Variants in HECTD4 observed in about 807,000 individuals in gnomAD.
HECTD4 encodes probable E3 ubiquitin-protein ligase HECTD4.
HECTD4 carries 114 observed loss-of-function variants against 471.5 expected under a neutral mutation model. The observed-to-expected ratio is 0.24, with a 90% confidence interval of 0.21 to 0.28. The LOEUF (loss-of-function observed/expected upper bound fraction) is 0.28, where lower values mean the gene tolerates loss of function less well. Among genes scored for constraint, HECTD4 ranks in the 10% least tolerant of loss-of-function variants. The pLI is 1.00. For synonymous variants in HECTD4, 2,012 were observed against 2,256.0 expected (o/e 0.89, Z 3.07); for missense variants, 3,866 against 5,651.5 (o/e 0.68, Z 10.13).
intron 1 of HECTD4, among the ~76,000 whole-genome samples, chr12:112,368,532 A>G (rs1184563842): frequency 6.6e-6 from 1 of 152,198 alleles, no homozygotes; most frequent in African/African-American, 2.4e-5. Flanking sequence ...AAACAGCAGA[A>G]GACAATTATA....
intron 1 of HECTD4, among the ~76,000 whole-genome samples, chr12:112,376,665 C>G (rs575385568): frequency 2.8e-4 from 42 of 152,326 alleles, no homozygotes; most frequent in African/African-American, 9.4e-4. Flanking sequence ...TGGGCTCAGA[C>G]CTCCAAATAT....
Position 112,174,838 on chromosome 12 carries a change from C to T in HECTD4, c.11594+898G>A, listed in dbSNP as rs143569808. ...CTGGGATTACAGGTGTGAGGCACCG[C>T]GCCTGGCCTGGTAGCCATTTTCATT... On this transcript the variant is annotated intron_variant, in intron 66 of 75. Transcript: ENST00000682272. Among the ~76,000 whole-genome samples the T allele has an allele frequency of 4.1e-3, 622 of 152,306 alleles. 3 individuals are homozygous for T. The highest frequency in any genetic ancestry group is 0.014 in the African/African-American group (566 of 41,574).
At chr12:112,245,579 G>A (rs2033743267) in intron 29 of HECTD4, among the ~76,000 whole-genome samples, 1 of 152,154 alleles carries the variant, frequency 6.6e-6, no homozygotes, top group Admixed American at 6.6e-5. Flanking sequence ...GAGACCCTGG[G>A]AGTCCTCCTA....
rs151050861 is a variant in HECTD4, at chr12:112,198,236, G to A, written c.8567+2402C>T. On this transcript the variant is annotated intron_variant, in intron 55 of 75. Transcript: ENST00000682272. The stretch of plus-strand genomic sequence containing the variant: ...GTAGTTTCCTGACAAAGAGCGCATG[G>A]ACAGTCACCTTAGATGGTGAGGGCA... Among the ~76,000 whole-genome samples, 170 of 152,342 alleles carry A rather than the reference G, an allele frequency of 1.1e-3. 1 individual carries two copies. Among genetic ancestry groups the A allele is most frequent in the Middle Eastern group, 3.4e-3 (1 of 294 alleles).
At chr12:112,275,070 T>C in intron 9 of HECTD4, 110 bp from the exon 10 acceptor site, 2 of 651,446 alleles carry the variant, frequency 3.1e-6, no homozygotes, top group Non-Finnish European at 2.6e-6. Context: ...TTCTTGTTGT[T>C]GTGTATTGGT....
chr12:112,227,614 T>A (rs1472176772), intron 43 of HECTD4, among the ~76,000 whole-genome samples: 3 of 152,194 alleles, frequency 2.0e-5, no homozygotes, highest in Non-Finnish European at 2.9e-5. Flanking sequence ...CAGATATGTA[T>A]CAATGTGGCC....
chr12:112,177,230 T>C (rs920983903), intron 64 of HECTD4, among the ~76,000 whole-genome samples: 2 of 152,230 alleles, frequency 1.3e-5, no homozygotes, highest in Non-Finnish European at 2.9e-5. Context: ...TTTATTTTTC[T>C]GGTTAAACAA....
At chr12:112,192,367 G>C (rs2032107709) in intron 59 of HECTD4, among the ~76,000 whole-genome samples, 193 bp downstream of exon 59, 1 of 152,212 alleles carries the variant, frequency 6.6e-6, no homozygotes, top group Non-Finnish European at 1.5e-5. Context: ...CCTTCCCTAG[G>C]TAGGAAAGAT....
In HECTD4 at chr12:112,229,789, G is replaced by C; in HGVS notation, c.6428C>G (p.Ala2143Gly). 1 of 1,614,022 alleles carries C rather than the reference G, an allele frequency of 6.2e-7. No individual in the cohort carries two copies. The highest frequency in any genetic ancestry group is 8.5e-7 in the Non-Finnish European group (1 of 1,179,888). ...CTGGCGTGCAATTCTCTGAAGTTTG[G>C]CAAGTTTCCTGCCACTGCTGCTGCC... ...ENGSSSGRKLAKLQRIARQAV... is the reference protein window; with the variant it reads ...ENGSSSGRKLGKLQRIARQAV... Residue 2143 changes from alanine to glycine, a missense_variant, in exon 41 of 76, where the codon GCC becomes GGC. Ala to Gly is a moderately conservative substitution (Grantham distance 60). This residue lies in a region of HECTD4 where 617 missense variants were observed against 915.1 expected (regional missense o/e 0.67). Coordinates refer to ENST00000682272, the MANE Select transcript of HECTD4 (RefSeq NM_001388303.1).
At chr12:112,171,304 T>G in intron 67 of HECTD4, 41 bp from the exon 68 acceptor site, 1 of 1,565,934 alleles carries the variant, frequency 6.4e-7, no homozygotes, top group Non-Finnish European at 8.6e-7. Flanking sequence ...CTCGGCCAGG[T>G]GGCTGAGATG....
chr12:112,217,405 G>A (rs898675523), intron 45 of HECTD4, among the ~76,000 whole-genome samples: 1 of 152,148 alleles, frequency 6.6e-6, no homozygotes. Context: ...CCAGACTGGA[G>A]TGCAGTGGTG....
At chr12:112,229,111 G>C (rs2033311733) in intron 41 of HECTD4, among the ~76,000 whole-genome samples, 1 of 152,138 alleles carries the variant, frequency 6.6e-6, no homozygotes, top group African/African-American at 2.4e-5. Context: ...TGGATCACTT[G>C]AGGTCAGGAG....
In HECTD4 at chr12:112,187,847, T is replaced by C. The variant is rs558747002; in HGVS notation, c.9473-2354A>G. ...TTCACTGTGTTAGCCAGGATGGTCT[T>C]GATCTCCTGACCTCGTGATCCGCCC... On this transcript the variant is annotated intron_variant, in intron 60 of 75. Transcript: ENST00000682272. 1.4e-3 allele frequency among the ~76,000 whole-genome samples: 211 copies of C among 148,002 alleles called. 1 individual carries two copies. Among genetic ancestry groups the C allele is most frequent in the Middle Eastern group, 8.1e-3 (2 of 248 alleles).
rs949132187 is a variant in HECTD4 at position 112,212,556 on chromosome 12, C to A, written c.7560G>T (p.Gly2520=). The A allele has an allele frequency of 6.2e-6, 10 of 1,613,754 alleles. No homozygotes were observed. Among genetic ancestry groups the A allele is most frequent in the Admixed American group, 1.7e-5 (1 of 60,004 alleles). The change falls in exon 49 of 76, where the codon GGG becomes GGT. Residue 2520 remains glycine, a synonymous_variant. Transcript: ENST00000682272. ...CTTCAAGATATGGTGAGAGGCGCTG[C>A]CCGCAGTATGTGAAGTACACCCGGC... ...AKGRVYFTYC[G]QRLSPYLEDV...
chr12:112,164,133 C>T lies in HECTD4; in HGVS notation c.12677G>A (p.Ser4226Asn). The change falls in exon 73 of 76, where the codon AGC (serine) becomes AAC (asparagine). Residue 4226 changes from serine (S) to asparagine (N), a missense_variant. Physicochemically the swap from Ser to Asn is conservative, Grantham distance 46 (BLOSUM62 1). Around this residue, in one of 16 missense-constraint regions of HECTD4, gnomAD observed 715 missense variants for 1,087.6 expected, o/e 0.66. Transcript: ENST00000682272. Reference sequence around the variant, plus strand: ...CGCCACAAGGATGTGCCGGCCCCGGCTGCACAGCTCCACCTCCTCGCCCGT... The same window carrying T: ...CGCCACAAGGATGTGCCGGCCCCGGTTGCACAGCTCCACCTCCTCGCCCGT... ...TMTGEEVELCSRGRHILVAWE... is the reference protein window; with the variant it reads ...TMTGEEVELCNRGRHILVAWE... 6.2e-7 allele frequency: 1 copy of T among 1,609,370 alleles called. No homozygotes were observed. Among genetic ancestry groups the T allele is most frequent in the Non-Finnish European group, 8.5e-7 (1 of 1,177,928 alleles).
At position 112,251,127 on chromosome 12, in the gene HECTD4, G is replaced by A. The variant is rs1447222307; in HGVS notation, c.3560C>T (p.Ser1187Leu). Residue 1187 changes from serine to leucine, a missense_variant, in exon 24 of 76, where the codon TCG becomes TTG. Coordinates refer to ENST00000682272, the MANE Select transcript of HECTD4 (RefSeq NM_001388303.1). ...GGGCAAGCCTCCTGAGACATCCTCC[G>A]AAGACTCCTACAATGCAGACAGGGG... is the stretch of plus-strand genomic sequence containing the variant. ...FACTVRAQES[S>L]EDVSGGLPFL... The A allele has an allele frequency of 6.2e-6, 10 of 1,613,440 alleles. No individual in the cohort carries two copies. The highest frequency in any genetic ancestry group is 1.7e-4 in the Middle Eastern group (1 of 6,022).
intron 1 of HECTD4, among the ~76,000 whole-genome samples, chr12:112,370,288 C>T (rs866816067): frequency 1.2e-4 from 18 of 152,200 alleles, no homozygotes; most frequent in African/African-American, 3.6e-4. Flanking sequence ...CAATGCTTGA[C>T]TTTTAGCCCA....
At position 112,235,050 on chromosome 12, in the gene HECTD4, T is replaced by C. The variant is rs1566082237; in HGVS notation, c.5915+27A>G. On this transcript the variant is annotated intron_variant, in intron 37 of 75. Transcript: ENST00000682272. This position sits in a 1 kb window ranked among gnomAD's most constrained non-coding sequence, Gnocchi z 5.0. ...GTGACATGGGTGGTGCTTGAGGATGTGTAGCTATCACAATCATTATGGTCA... is the reference window on the plus strand; with the variant it reads ...GTGACATGGGTGGTGCTTGAGGATGCGTAGCTATCACAATCATTATGGTCA... The C allele has an allele frequency of 2.6e-6, 4 of 1,546,820 alleles. No homozygotes were observed. In the African/African-American group the frequency reaches 4.1e-5, roughly 16 times the overall value.
intron 1 of HECTD4, among the ~76,000 whole-genome samples, chr12:112,358,640 A>G (rs139580477): frequency 8.9e-4 from 136 of 152,284 alleles, no homozygotes; most frequent in African/African-American, 3.2e-3. Flanking sequence ...TGATCAAAGA[A>G]AGGAGGATTA....
Sources: allele counts gnomAD v4.1 joint callset (sites outside exome capture counted in the v4.1 genomes callset), GRCh38; gene constraint gnomAD v4.1.1; regional missense constraint gnomAD v4.1.1; non-coding constraint Gnocchi (gnomAD v3.1); transcripts MANE v1.5; gene names NCBI Gene and HGNC (gene_info 2026-07-23, HGNC 2026-07-21).